The following FHIT variants were observed in gnomAD, a reference collection of about 807,000 sequenced individuals.
FHIT encodes the protein fragile histidine triad diadenosine triphosphatase, also known as bis(5'-adenosyl)-triphosphatase.
FHIT carries 19 observed loss-of-function variants against 17.9 expected under a neutral mutation model. The ratio of observed to expected loss-of-function variants is 1.06; its 90% CI spans 0.74 to 1.56. The LOEUF is 1.56. Ranked by LOEUF, FHIT falls within the 40% of genes most tolerant of loss-of-function variation. The probability of loss-of-function intolerance (pLI) is 0.00; values close to 1 mark genes in which losing one functional copy is unlikely to be tolerated. For missense variants in FHIT, 248 were observed against 189.2 expected, an observed-to-expected ratio of 1.31 and a Z score of -1.82; for synonymous variants, 81 against 69.7, an observed-to-expected ratio of 1.16 and a Z score of -0.81.
chr3:61,036,903 T>TTTG (rs200340522), intron 3 of FHIT, among the ~76,000 whole-genome samples: 2,251 of 74,304 alleles, frequency 0.03, 54 homozygotes, highest in East Asian at 0.22. Flanking sequence ...TCTGCTTTGT[T>TTTG]TTTTTTTTTT....
intron 5 of FHIT, among the ~76,000 whole-genome samples, chr3:60,181,952 GA>G (rs1398795126): frequency 6.6e-6 from 1 of 152,048 alleles, no homozygotes; most frequent in Non-Finnish European, 1.5e-5. Flanking sequence ...AAACAAATCC[GA>G]AATATGCAAC....
At chr3:59,837,049 A>G (rs1489910255) in intron 8 of FHIT, among the ~76,000 whole-genome samples, 1 of 151,744 alleles carries the variant, frequency 6.6e-6, no homozygotes, top group African/African-American at 2.4e-5. Context: ...TTTCTGTGAG[A>G]AAAAAAAGAG....
chr3:60,102,392 G>T (rs755733365), intron 5 of FHIT, among the ~76,000 whole-genome samples: 1 of 152,190 alleles, frequency 6.6e-6, no homozygotes, highest in Non-Finnish European at 1.5e-5. Context: ...AGACATGGAA[G>T]CAACGAGAAA....
At chr3:60,226,892 G>A (rs1704234351) in intron 5 of FHIT, among the ~76,000 whole-genome samples, 1 of 139,366 alleles carries the variant, frequency 7.2e-6, no homozygotes, top group South Asian at 2.3e-4. Context: ...TTCTCCTCTG[G>A]CTAGAACATC....
chr3:60,927,701 C>T (rs1707711283), intron 3 of FHIT, among the ~76,000 whole-genome samples: 3 of 151,192 alleles, frequency 2.0e-5, no homozygotes, highest in African/African-American at 4.9e-5. Flanking sequence ...GGAGCACCCC[C>T]GCCCGGCAGC....
chr3:60,744,870 A>T (rs2042325226), intron 4 of FHIT, among the ~76,000 whole-genome samples: 1 of 152,186 alleles, frequency 6.6e-6, no homozygotes, highest in Non-Finnish European at 1.5e-5. Context: ...ATCCATATTT[A>T]TTAGGTACCT....
intron 4 of FHIT, among the ~76,000 whole-genome samples, chr3:60,671,957 A>C (rs1375211554): frequency 6.6e-6 from 1 of 152,112 alleles, no homozygotes; most frequent in Non-Finnish European, 1.5e-5. Flanking sequence ...TCTTGAAAAA[A>C]AAATTGGAAT....
chr3:59,936,421 T>C (rs1706242096), intron 7 of FHIT, among the ~76,000 whole-genome samples: 1 of 151,292 alleles, frequency 6.6e-6, no homozygotes, highest in Non-Finnish European at 1.5e-5. Flanking sequence ...CAAATGCACA[T>C]TGCTTTACTG....
At chr3:60,390,360 A>G (rs537799984) in intron 5 of FHIT, among the ~76,000 whole-genome samples, 167 of 149,754 alleles carry the variant, frequency 1.1e-3, no homozygotes, top group Middle Eastern at 6.8e-3. Context: ...GACAGATTAC[A>G]TAGATGACAG....
chr3:60,828,384 C>A (rs1702199464), intron 3 of FHIT, among the ~76,000 whole-genome samples: 1 of 152,108 alleles, frequency 6.6e-6, no homozygotes, highest in Admixed American at 6.5e-5. Context: ...ATTAAAAGCA[C>A]AACTCACTAC....
intron 4 of FHIT, among the ~76,000 whole-genome samples, chr3:60,672,872 A>AGT (rs1227711388): frequency 9.5e-5 from 1 of 10,580 alleles, no homozygotes; most frequent in African/African-American, 3.0e-4. Context: ...ACCTCTTTGT[A>AGT]GCGTGTGTGT....
At position 60,993,554 on chromosome 3, in the gene FHIT, C is replaced by T. The variant is rs9830615; in HGVS notation, c.-111+48493G>A. Among the ~76,000 whole-genome samples, 138 of 152,282 alleles carry T rather than the reference C, an allele frequency of 9.1e-4. 1 individual carries two copies. Among genetic ancestry groups the T allele is most frequent in the African/African-American group, 3.2e-3 (131 of 41,556 alleles). On this transcript the variant is annotated intron_variant, in intron 3 of 9. Transcript: ENST00000492590. ...TTTAGACTTATGATCTCACCTCAGG[C>T]TTGCAAGGCAATACACACCACCCAG... is the stretch of plus-strand genomic sequence containing the variant.
chr3:60,391,138 A>C (rs748720402), intron 5 of FHIT, among the ~76,000 whole-genome samples: 11 of 152,146 alleles, frequency 7.2e-5, no homozygotes, highest in Non-Finnish European at 1.2e-4. Context: ...CAGTGAGCTG[A>C]GATCACACCA....
At chr3:59,841,807 T>C (rs80120787) in intron 8 of FHIT, among the ~76,000 whole-genome samples, 1,916 of 152,244 alleles carry the variant, frequency 0.013, 23 homozygotes, top group South Asian at 0.022. Flanking sequence ...CAATCGTGCA[T>C]TGAGACCTAT....
At chr3:60,161,636 T>C (rs1700945181) in intron 5 of FHIT, among the ~76,000 whole-genome samples, 2 of 151,858 alleles carry the variant, frequency 1.3e-5, no homozygotes, top group South Asian at 4.2e-4. Flanking sequence ...ATGCTGCACA[T>C]GGAGAGTGTT....
intron 9 of FHIT, chr3:59,751,572 A>G (rs1700903890): frequency 4.6e-6 from 1 of 215,234 alleles, no homozygotes; most frequent in Non-Finnish European, 9.3e-6. Context: ...TGACAAGGAA[A>G]TTGGCTATAG....
At chr3:60,561,254 C>T (rs1445604814) in intron 4 of FHIT, among the ~76,000 whole-genome samples, 1 of 152,020 alleles carries the variant, frequency 6.6e-6, no homozygotes, top group Non-Finnish European at 1.5e-5. Flanking sequence ...GGGCCAAACC[C>T]ATTTTGGAAA....
At chr3:59,964,696 A>G (rs770209142) in intron 7 of FHIT, among the ~76,000 whole-genome samples, 92 of 152,288 alleles carry the variant, frequency 6.0e-4, no homozygotes, top group Non-Finnish European at 3.5e-4. Flanking sequence ...CCCATTCCCA[A>G]TAGTTTTGAA....
intron 5 of FHIT, among the ~76,000 whole-genome samples, chr3:60,345,877 G>A: frequency 6.6e-6 from 1 of 152,284 alleles, no homozygotes. Flanking sequence ...TATACACACA[G>A]ATGCATTCTA....
Sources: allele counts gnomAD v4.1 joint callset (sites outside exome capture counted in the v4.1 genomes callset), GRCh38; gene constraint gnomAD v4.1.1; transcripts MANE v1.5; gene names NCBI Gene and HGNC (gene_info 2026-07-23, HGNC 2026-07-21).